KCNMA1: variants seen among roughly 807,000 people sequenced by gnomAD.
KCNMA1 encodes the protein potassium calcium-activated channel subfamily M alpha 1.
A neutral mutation model predicts 140.0 loss-of-function variants in KCNMA1; 29 were observed. The ratio of observed to expected loss-of-function variants is 0.21; its 90% CI spans 0.15 to 0.28. KCNMA1 has a LOEUF of 0.28. Among genes scored for constraint, KCNMA1 ranks in the 10% least tolerant of loss-of-function variants. The probability of loss-of-function intolerance (pLI) is 1.00; values close to 1 mark genes in which losing one functional copy is unlikely to be tolerated. For missense variants in KCNMA1, 880 were observed against 1,602.2 expected (o/e 0.55, Z 7.70); for synonymous variants, 612 against 611.9 (o/e 1.00, Z 0.00).
chr10:77,637,275 C>A lies in KCNMA1; in HGVS notation c.368G>T (p.Gly123Val). 6.2e-7 allele frequency: 1 copy of A among 1,607,702 alleles called. No individual in the cohort carries two copies. Among genetic ancestry groups the A allele is most frequent in the Non-Finnish European group, 8.5e-7 (1 of 1,175,846 alleles). Residue 123 changes from glycine (G) to valine (V), a missense_variant, in exon 1 of 28, where the codon GGC (glycine) becomes GTC (valine). Gly to Val is a moderately radical substitution (Grantham distance 109). Coordinates refer to ENST00000286628, the MANE Select transcript of KCNMA1 (RefSeq NM_001161352.2). ...CGGGGCGCGCGTTACCTTCGTCTTG[C>A]CCCCGCAGTGGCAGCACACGGTCCA... ...YLWTVCCHCG[G>V]KTKEAQKINN...
At chr10:76,890,599 A>C (rs1267876163) in intron 26 of KCNMA1, among the ~76,000 whole-genome samples, 4 of 152,228 alleles carry the variant, frequency 2.6e-5, no homozygotes, top group Non-Finnish European at 5.9e-5. Flanking sequence ...TGTTTCAGAA[A>C]AAACAGAGAC....
chr10:77,162,251 G>A (rs571864488), intron 5 of KCNMA1, among the ~76,000 whole-genome samples: 6 of 152,254 alleles, frequency 3.9e-5, no homozygotes, highest in South Asian at 2.1e-4. Flanking sequence ...AAACAGTTCC[G>A]ATAAGCAAAC....
chr10:77,260,941 A>T (rs1158311250), intron 2 of KCNMA1, among the ~76,000 whole-genome samples: 2 of 152,184 alleles, frequency 1.3e-5, no homozygotes, highest in Non-Finnish European at 2.9e-5. Context: ...GGAAATGCCA[A>T]CGTTCCAATA....
intron 2 of KCNMA1, among the ~76,000 whole-genome samples, chr10:77,330,448 C>T (rs116559807): frequency 0.015 from 2,354 of 152,210 alleles, 53 homozygotes; most frequent in African/African-American, 0.054. Flanking sequence ...GAAGAATGTT[C>T]AATATTAGTT....
chr10:76,946,126 G>T (rs1056348482), intron 22 of KCNMA1, among the ~76,000 whole-genome samples: 1 of 152,162 alleles, frequency 6.6e-6, no homozygotes, highest in South Asian at 2.1e-4. Flanking sequence ...AACAGAGTCC[G>T]GGAATGCAAG....
chr10:77,311,945 T>A (rs1168711194), intron 2 of KCNMA1, among the ~76,000 whole-genome samples: 1 of 152,230 alleles, frequency 6.6e-6, no homozygotes, highest in Admixed American at 6.5e-5. Context: ...CCATCCAACA[T>A]GACAGGTGAG....
chr10:77,180,533 C>T (rs1230611390), intron 5 of KCNMA1, among the ~76,000 whole-genome samples: 1 of 152,110 alleles, frequency 6.6e-6, no homozygotes, highest in Non-Finnish European at 1.5e-5. Flanking sequence ...TTTCATATCC[C>T]AAAAGGTTAT....
intron 5 of KCNMA1, among the ~76,000 whole-genome samples, chr10:77,129,486 A>G (rs1369509824): frequency 6.6e-6 from 1 of 152,168 alleles, no homozygotes; most frequent in East Asian, 1.9e-4. Flanking sequence ...AAAACCAGTA[A>G]TCTACCCTCT....
chr10:77,055,535 C>T (rs556812586), intron 14 of KCNMA1, among the ~76,000 whole-genome samples: 12 of 148,970 alleles, frequency 8.1e-5, no homozygotes, highest in African/African-American at 3.0e-4. Context: ...TTTTTCTCTC[C>T]TCCTGTGCCC....
At chr10:77,041,154 T>G (rs4423126) in intron 14 of KCNMA1, among the ~76,000 whole-genome samples, 76 of 388 alleles carry the variant, frequency 0.2, 23 homozygotes, top group African/African-American at 0.44. Flanking sequence ...GCTAATTCTT[T>G]TTTTTTTTTT....
intron 5 of KCNMA1, among the ~76,000 whole-genome samples, chr10:77,125,035 G>A (rs144146714): frequency 2.8e-3 from 429 of 152,188 alleles, no homozygotes; most frequent in Non-Finnish European, 4.5e-3. Context: ...ATCAGATTTC[G>A]TGAGAACTCA....
At chr10:77,053,265 C>A (rs1229440082) in intron 14 of KCNMA1, among the ~76,000 whole-genome samples, 2 of 152,206 alleles carry the variant, frequency 1.3e-5, no homozygotes, top group Non-Finnish European at 1.5e-5. Context: ...TCCTTGCAGT[C>A]AACACCAGTG....
intron 1 of KCNMA1, among the ~76,000 whole-genome samples, chr10:77,570,451 A>G (rs1406727996): frequency 6.7e-6 from 1 of 149,892 alleles, no homozygotes; most frequent in Non-Finnish European, 1.5e-5. Context: ...CATGGATGAA[A>G]TTGGAAATCA....
At chr10:77,388,757 TTTTCTCTCTA>T (rs1243257138) in intron 2 of KCNMA1, among the ~76,000 whole-genome samples, 1 of 152,242 alleles carries the variant, frequency 6.6e-6, no homozygotes, top group African/African-American at 2.4e-5. Flanking sequence ...TATTTATTTC[TTTTCTCTCTA>T]TCTGTATCTC....
At chr10:76,877,734 G>A, downstream of KCNMA1, 1 of 1,551,416 alleles carries the variant, frequency 6.4e-7, no homozygotes, top group Non-Finnish European at 8.7e-7. Flanking sequence ...CTGGTCTCCT[G>A]GGAGTCAACA....
Position 77,490,949 on chromosome 10 carries a change from T to C in KCNMA1, c.379-86926A>G, listed in dbSNP as rs372388002. Among the ~76,000 whole-genome samples the C allele has an allele frequency of 3.3e-5, 5 of 152,224 alleles. No individual in the cohort carries two copies. The East Asian group carries it at 7.7e-4, about 24-fold the overall frequency. On this transcript the variant is annotated intron_variant, in intron 1 of 27. Transcript: ENST00000286628. The stretch of plus-strand genomic sequence containing the variant: ...CTCTTTGTAACTCCAGGGCCTACTG[T>C]AGGAGCCCTAATCAGCCCTACTGTA...
At chr10:77,267,447 G>T (rs2063752412) in intron 2 of KCNMA1, among the ~76,000 whole-genome samples, 1 of 152,174 alleles carries the variant, frequency 6.6e-6, no homozygotes, top group African/African-American at 2.4e-5. Flanking sequence ...TGACTCCAAA[G>T]CTCCTTCCTG....
intron 20 of KCNMA1, among the ~76,000 whole-genome samples, chr10:76,955,717 G>T (rs2067998152): frequency 5.3e-5 from 8 of 152,172 alleles, no homozygotes. Flanking sequence ...CAGGGTGAGA[G>T]CACATTTTGA....
intron 18 of KCNMA1, among the ~76,000 whole-genome samples, chr10:77,007,653 G>GTGTATATATATATATATATATA: frequency 2.3e-5 from 2 of 88,462 alleles, no homozygotes; most frequent in East Asian, 2.5e-4. Context: ...TTGTGTGTGT[G>GTGTATATATATATATATATATA]TATATATATA....
Sources: allele counts gnomAD v4.1 joint callset (sites outside exome capture counted in the v4.1 genomes callset), GRCh38; gene constraint gnomAD v4.1.1; transcripts MANE v1.5; gene names NCBI Gene and HGNC (gene_info 2026-07-23, HGNC 2026-07-21).